Variants in GPBP1L1 observed in about 807,000 individuals in gnomAD.
GPBP1L1 encodes the protein GC-rich promoter binding protein 1 like 1.
In GPBP1L1, 23 loss-of-function variants were observed where a neutral mutation model predicts 52.5. The observed-to-expected ratio is 0.44, with a 90% CI of 0.32 to 0.62. The LOEUF is 0.62. Ranked by LOEUF, GPBP1L1 falls within the 20% of genes least tolerant of loss-of-function variation. The pLI is 0.06. For missense variants in GPBP1L1, 596 were observed against 579.3 expected (o/e 1.03, Z -0.30); for synonymous variants, 243 against 203.1 (o/e 1.20, Z -1.67).
intron 8 of GPBP1L1, among the ~76,000 whole-genome samples, chr1:45,638,620 T>C (rs1177639971): frequency 6.6e-6 from 1 of 152,138 alleles, no homozygotes; most frequent in Non-Finnish European, 1.5e-5. Flanking sequence ...CTCCAATCAT[T>C]ATCACTAGGA....
At chr1:45,657,530 C>T (rs1462943840) in intron 4 of GPBP1L1, among the ~76,000 whole-genome samples, 1 of 151,922 alleles carries the variant, frequency 6.6e-6, no homozygotes, top group African/African-American at 2.4e-5. Context: ...AGTAAGACCC[C>T]GTCTCAATAA....
At chr1:45,682,675 GATCA>G (rs1292279658) in intron 2 of GPBP1L1, among the ~76,000 whole-genome samples, 4 of 152,150 alleles carry the variant, frequency 2.6e-5, no homozygotes, top group Non-Finnish European at 5.9e-5. Flanking sequence ...TCAGCTAACA[GATCA>G]ATTATTTGCC....
intron 6 of GPBP1L1, chr1:45,646,209 G>C (rs1472030980): frequency 3.6e-6 from 1 of 278,616 alleles, no homozygotes; most frequent in Admixed American, 5.1e-5. Flanking sequence ...GTGGCAGCGC[G>C]AAACAATGCC....
chr1:45,629,933 AAG>A (rs1644508589), intron 11 of GPBP1L1, among the ~76,000 whole-genome samples: 1 of 152,056 alleles, frequency 6.6e-6, no homozygotes, highest in Non-Finnish European at 1.5e-5. Context: ...GTAAGGAAGA[AAG>A]AGAGCACTTG....
chr1:45,651,136 T>C (rs545059305), intron 6 of GPBP1L1: 1 of 501,072 alleles, frequency 2.0e-6, no homozygotes, highest in African/African-American at 1.9e-5. Flanking sequence ...GCAGATCTCA[T>C]CGTATCTGTC....
At position 45,628,355 on chromosome 1, in the gene GPBP1L1, A is replaced by C; in HGVS notation, c.1326T>G (p.Ser442Arg). 6.2e-7 allele frequency: 1 copy of C among 1,613,872 alleles called. No homozygotes were observed. Among genetic ancestry groups the C allele is most frequent in the Non-Finnish European group, 8.5e-7 (1 of 1,179,948 alleles). ...AAGTGCTTCTCCAAGGGGAGAACAG[A>C]CTGGAACTGCGGCTCTGCAAGAAGC... ...KNGFLQSRSS[S>R]LFSPWRSTCK... Residue 442 changes from serine to arginine, a missense_variant, in exon 13 of 13, where the codon AGT becomes AGG. Coordinates refer to ENST00000355105, the MANE Select transcript of GPBP1L1 (RefSeq NM_021639.5).
upstream of GPBP1L1, chr1:45,686,604 T>TC (rs1645291150): frequency 6.6e-6 from 1 of 152,346 alleles, no homozygotes; most frequent in Non-Finnish European, 1.5e-5. Flanking sequence ...GGCCCTCCCA[T>TC]CCCCCGTCCG....
At position 45,659,043 on chromosome 1, in the gene GPBP1L1, T is replaced by C. The variant is rs1270646324; in HGVS notation, c.45A>G (p.Thr15=). 2 of 1,609,766 alleles carry C rather than the reference T, an allele frequency of 1.2e-6. No homozygotes were observed. The highest frequency in any genetic ancestry group is 1.1e-5 in the South Asian group (1 of 90,996). The change falls in exon 4 of 13, where the codon ACA becomes ACG. Residue 15 remains threonine, a synonymous_variant. Coordinates refer to ENST00000355105, the MANE Select transcript of GPBP1L1 (RefSeq NM_021639.5). ...DFVPAWLNFS[T]PQSAKSPTAT... ...AGAACAGTACCTTAGCTGACTGTGG[T>C]GTTGAGAAATTTAGCCAAGCAGGAA... is the stretch of plus-strand genomic sequence containing the variant.
chr1:45,679,152 A>C (rs1200429206), intron 2 of GPBP1L1, among the ~76,000 whole-genome samples: 1 of 151,932 alleles, frequency 6.6e-6, no homozygotes. Flanking sequence ...GAGAACTATC[A>C]CTTTTGAGAA....
chr1:45,679,707 A>G (rs1014973734), intron 2 of GPBP1L1, among the ~76,000 whole-genome samples: 1 of 152,144 alleles, frequency 6.6e-6, no homozygotes, highest in African/African-American at 2.4e-5. Flanking sequence ...TTTGGAATCA[A>G]CTTGAATTAC....
rs551379622 is a variant in GPBP1L1, at chr1:45,666,924, C to T, written c.-1097-5699G>A. The stretch of plus-strand genomic sequence containing the variant: ...ACATGGATGAACCATGAAAATATTA[C>T]GTTAAATGAAAGAAGGCAGACACAA... On this transcript the variant is annotated intron_variant, in intron 2 of 12. Transcript: ENST00000355105. Among the ~76,000 whole-genome samples, 22 of 152,230 alleles carry T rather than the reference C, an allele frequency of 1.4e-4. 1 individual carries two copies. The South Asian group carries it at 4.1e-3, about 29-fold the overall frequency.
At position 45,642,436 on chromosome 1, in the gene GPBP1L1, CAGA is replaced by C. The variant is rs767240526; in HGVS notation, c.538_540del (p.Ser180del). The C allele has an allele frequency of 1.7e-4, 268 of 1,613,576 alleles. 1 individual carries two copies. The highest frequency in any genetic ancestry group is 2.1e-4 in the Non-Finnish European group (249 of 1,179,628). ...GGCAAAATCTACCTACCCCATACTC[CAGA>C]AGGTGTCCCAATAGGTCTGCATGGC... is the stretch of plus-strand genomic sequence containing the variant. On this transcript the variant is annotated inframe_deletion, in exon 7 of 13. Transcript: ENST00000355105.
chr1:45,640,591 C>T (rs1435178134), intron 7 of GPBP1L1, among the ~76,000 whole-genome samples, 188 bp from the exon 8 acceptor site: 1 of 152,158 alleles, frequency 6.6e-6, no homozygotes, highest in Non-Finnish European at 1.5e-5. Flanking sequence ...CAAAAAAATG[C>T]AGCATATGAG....
intron 6 of GPBP1L1, chr1:45,651,220 G>A (rs1644815530): frequency 2.3e-6 from 1 of 435,366 alleles, no homozygotes; most frequent in Non-Finnish European, 4.5e-6. Flanking sequence ...CTGTGTGAAG[G>A]CAACCAGTGG....
chr1:45,685,311 G>C (rs1645266266), intron 2 of GPBP1L1, among the ~76,000 whole-genome samples: 2 of 152,070 alleles, frequency 1.3e-5, no homozygotes, highest in Admixed American at 6.6e-5. Flanking sequence ...TTTACTTTTG[G>C]ATAAGATTTA....
chr1:45,642,930 C>T (rs1644692518), intron 6 of GPBP1L1, among the ~76,000 whole-genome samples: 1 of 152,066 alleles, frequency 6.6e-6, no homozygotes, highest in Non-Finnish European at 1.5e-5. Context: ...AGGGCAGGGG[C>T]AGACCATATG....
At position 45,660,375 on chromosome 1, in the gene GPBP1L1, T is replaced by C; in HGVS notation, c.-247A>G. On this transcript the variant is annotated 5_prime_UTR_variant, in exon 3 of 13. Coordinates refer to ENST00000355105, the MANE Select transcript of GPBP1L1 (RefSeq NM_021639.5). ...CAACTGCTCATCTTAAACTATTTGG[T>C]TCCTGACACGTTTCCAAAAGGGGAA... 2 of 984,720 alleles carry C rather than the reference T, an allele frequency of 2.0e-6. No homozygotes were observed. Among genetic ancestry groups the C allele is most frequent in the Non-Finnish European group, 2.4e-6 (2 of 829,632 alleles). 61.0% of individuals were successfully genotyped at this position (984,720 alleles called of 1,614,324 possible). A position where few individuals can be genotyped will look rare whatever the true frequency, so the allele number is the denominator to read the frequency against.
chr1:45,655,475 C>A, intron 4 of GPBP1L1, 156 bp from the exon 5 acceptor site: 1 of 726,910 alleles, frequency 1.4e-6, no homozygotes, highest in Non-Finnish European at 2.3e-6. Flanking sequence ...CCCACAGGTG[C>A]CTAATTTAGA....
rs765315631 is a variant in GPBP1L1, at chr1:45,640,200, T to G, written c.744+10A>C. 3.7e-6 allele frequency: 6 copies of G among 1,606,480 alleles called. No individual in the cohort carries two copies. The South Asian group carries it at 6.6e-5, about 18-fold the overall frequency. On this transcript the variant is annotated intron_variant, in intron 8 of 12. Coordinates refer to ENST00000355105, the MANE Select transcript of GPBP1L1 (RefSeq NM_021639.5). ...TTGTATAAGGTTCTTGCCCTGATTC[T>G]AAATCATACCTTGGAAGGAGGTGGT...
Sources: allele counts gnomAD v4.1 joint callset (sites outside exome capture counted in the v4.1 genomes callset), GRCh38; gene constraint gnomAD v4.1.1; transcripts MANE v1.5; gene names NCBI Gene and HGNC (gene_info 2026-07-23, HGNC 2026-07-21).